The following ARMH3 variants were observed in gnomAD, a reference collection of about 807,000 sequenced individuals.
The protein encoded by ARMH3 is armadillo like helical domain containing 3, also known as armadillo-like helical domain-containing protein 3.
Under a neutral mutation model 99.1 loss-of-function variants are expected in ARMH3, and 60 were observed. The observed-to-expected ratio is 0.61, with a 90% CI of 0.49 to 0.75. The LOEUF is 0.75. ARMH3 is among the 30% of genes least tolerant of loss of function. ARMH3 has a pLI of 0.00. For missense variants in ARMH3, 679 were observed against 843.1 expected (o/e 0.81, Z 2.41); for synonymous variants, 285 against 292.8 (o/e 0.97, Z 0.27).
In ARMH3 at chr10:101,975,293, T is replaced by G. The variant is rs768465868; in HGVS notation, c.1414A>C (p.Ile472Leu). Residue 472 changes from isoleucine (I) to leucine (L), a missense_variant, in exon 20 of 26, where the codon ATC (isoleucine) becomes CTC (leucine). Around this residue, in one of 3 missense-constraint regions of ARMH3, gnomAD observed 389 missense variants for 456.5 expected, o/e 0.85. Transcript: ENST00000370033. Reference protein sequence around the residue: ...EFPMDLYIRCIQVVHKLLCYQ... With the variant: ...EFPMDLYIRCLQVVHKLLCYQ... ...CAGAGCAGTTTGTGTACTACCTGGA[T>G]GCAGCGTCTGTAACAGGGAAAGCAA... 2 of 1,612,216 alleles carry G rather than the reference T, an allele frequency of 1.2e-6. No homozygotes were observed. The highest frequency in any genetic ancestry group is 2.7e-5 in the African/African-American group (2 of 74,862).
At chr10:101,868,586 T>TCCTC (rs2067060265) in intron 24 of ARMH3, among the ~76,000 whole-genome samples, 1 of 152,072 alleles carries the variant, frequency 6.6e-6, no homozygotes, top group Admixed American at 6.6e-5. Flanking sequence ...TCCTCCTTCC[T>TCCTC]CCTCCTCAGC....
chr10:102,014,752 T>C (rs2066707838), intron 8 of ARMH3, among the ~76,000 whole-genome samples: 1 of 152,196 alleles, frequency 6.6e-6, no homozygotes, highest in African/African-American at 2.4e-5. Context: ...CAATCTCAGT[T>C]GGGCAGCATA....
At chr10:101,939,111 A>G (rs1359053541) in intron 23 of ARMH3, among the ~76,000 whole-genome samples, 2 of 152,374 alleles carry the variant, frequency 1.3e-5, no homozygotes, top group African/African-American at 4.8e-5. Context: ...TTACATCTGG[A>G]GCTAAATCAA....
chr10:101,891,975 G>A (rs1415166280), intron 23 of ARMH3, among the ~76,000 whole-genome samples: 1 of 151,814 alleles, frequency 6.6e-6, no homozygotes, highest in Non-Finnish European at 1.5e-5. Flanking sequence ...AGCCAGGTGT[G>A]GTGGCACACA....
At chr10:102,055,214 T>C (rs1227564150) in intron 1 of ARMH3, among the ~76,000 whole-genome samples, 1 of 151,638 alleles carries the variant, frequency 6.6e-6, no homozygotes, top group African/African-American at 2.4e-5. Flanking sequence ...GGAGAATCGC[T>C]TGAACCCCGG....
chr10:101,990,503 C>T (rs1334028536), intron 19 of ARMH3, 48 bp downstream of exon 19: 1 of 1,420,940 alleles, frequency 7.0e-7, no homozygotes, highest in East Asian at 2.3e-5. Flanking sequence ...ACATTCAGTT[C>T]TTTAAAATAG....
At chr10:101,910,386 T>C (rs1842813112) in intron 23 of ARMH3, among the ~76,000 whole-genome samples, 1 of 152,322 alleles carries the variant, frequency 6.6e-6, no homozygotes, top group South Asian at 2.1e-4. Context: ...GATTGTGTTA[T>C]TTGCCACCAT....
At chr10:101,964,323 T>C (rs1457894335) in intron 20 of ARMH3, among the ~76,000 whole-genome samples, 1 of 152,178 alleles carries the variant, frequency 6.6e-6, no homozygotes, top group Non-Finnish European at 1.5e-5. Flanking sequence ...TCAGAGTACA[T>C]GTCTCTAAAT....
At chr10:102,027,726 T>C (rs1001127333) in intron 5 of ARMH3, among the ~76,000 whole-genome samples, 1 of 152,064 alleles carries the variant, frequency 6.6e-6, no homozygotes, top group African/African-American at 2.4e-5. Context: ...GATTTTACCA[T>C]GACATATATA....
intron 15 of ARMH3, among the ~76,000 whole-genome samples, chr10:101,996,251 C>G (rs1847048579): frequency 6.6e-6 from 1 of 152,210 alleles, no homozygotes; most frequent in South Asian, 2.1e-4. Context: ...TTAGCTTCAA[C>G]AGGACCCAGA....
intron 24 of ARMH3, among the ~76,000 whole-genome samples, chr10:101,872,250 C>CGTGTGTGTGT (rs35739666): frequency 4.3e-4 from 63 of 146,466 alleles, no homozygotes; most frequent in South Asian, 8.7e-4. Flanking sequence ...TGTGTAACAA[C>CGTGTGTGTGT]GTGTGTGTGT....
chr10:101,900,937 T>C (rs558759688), intron 23 of ARMH3, among the ~76,000 whole-genome samples: 112 of 152,038 alleles, frequency 7.4e-4, no homozygotes, highest in Non-Finnish European at 1.3e-3. Context: ...TGAGCTGTGA[T>C]CATGCCACTG....
At chr10:101,859,489 A>G (rs186962927) in intron 24 of ARMH3, among the ~76,000 whole-genome samples, 18 of 152,232 alleles carry the variant, frequency 1.2e-4, no homozygotes, top group African/African-American at 4.1e-4. Context: ...TGTACAAAAG[A>G]TGAGCAAAAG....
chr10:101,973,293 C>T (rs1273990483), intron 20 of ARMH3, among the ~76,000 whole-genome samples: 6 of 140,964 alleles, frequency 4.3e-5, no homozygotes, highest in Non-Finnish European at 6.0e-5. Flanking sequence ...ACCCGGGAGG[C>T]GGAGCTTGCA....
At position 101,956,783 on chromosome 10, in the gene ARMH3, G is replaced by C. The variant is rs180722848; in HGVS notation, c.1579-60C>G. ...AGGCTATGAAGACTAAAAATTATCA[G>C]TGGTATGCTGTAGCCAGCTCTTACT... On this transcript the variant is annotated intron_variant, in intron 21 of 25. Transcript: ENST00000370033. 7.7e-6 allele frequency: 12 copies of C among 1,565,408 alleles called. No homozygotes were observed. The East Asian group carries it at 2.3e-4, about 30-fold the overall frequency.
At chr10:101,905,738 T>C (rs1298297512) in intron 23 of ARMH3, among the ~76,000 whole-genome samples, 1 of 152,158 alleles carries the variant, frequency 6.6e-6, no homozygotes, top group Non-Finnish European at 1.5e-5. Flanking sequence ...CCTATCCCTA[T>C]CAATGATGAA....
intron 23 of ARMH3, among the ~76,000 whole-genome samples, chr10:101,936,311 G>T (rs1169888089): frequency 6.6e-6 from 1 of 151,956 alleles, no homozygotes; most frequent in Non-Finnish European, 1.5e-5. Context: ...GGCCAACATG[G>T]TGAAACCCCA....
At chr10:101,926,005 A>T (rs537233658) in intron 23 of ARMH3, among the ~76,000 whole-genome samples, 1 of 152,312 alleles carries the variant, frequency 6.6e-6, no homozygotes, top group South Asian at 2.1e-4. Context: ...AGCTGAATAT[A>T]TCTCCAACAA....
chr10:101,900,033 C>CT (rs2067937167), intron 23 of ARMH3, among the ~76,000 whole-genome samples: 1 of 152,212 alleles, frequency 6.6e-6, no homozygotes, highest in Middle Eastern at 3.2e-3. Context: ...AAGGCATCAT[C>CT]ACTTAATCCA....
Sources: gnomAD v4.1 joint callset for allele counts (sites outside exome capture counted in the v4.1 genomes callset) on GRCh38, gnomAD v4.1.1 for gene constraint, gnomAD v4.1.1 regional missense constraint, MANE v1.5 for transcripts, NCBI Gene and HGNC (gene_info 2026-07-23, HGNC 2026-07-21) for gene names.